The following STK32A variants were observed in gnomAD, a reference collection of about 807,000 sequenced individuals.
STK32A encodes the protein serine/threonine kinase 32A, also known as serine/threonine-protein kinase 32A.
A neutral mutation model predicts 53.2 loss-of-function variants in STK32A; 41 were observed. The observed-to-expected ratio is 0.77, with a 90% CI of 0.60 to 1.00. The LOEUF is 1.00. Ranked by LOEUF, STK32A falls within the 50% of genes least tolerant of loss-of-function variation. The pLI, the probability that STK32A is intolerant of heterozygous loss-of-function variation, is 0.00. For synonymous variants in STK32A, 166 were observed against 162.8 expected, an observed-to-expected ratio of 1.02 and a Z score of -0.15; for missense variants, 458 against 485.8, an observed-to-expected ratio of 0.94 and a Z score of 0.54.
chr5:147,357,344 G>A (rs545827410), intron 7 of STK32A, among the ~76,000 whole-genome samples: 1 of 151,996 alleles, frequency 6.6e-6, no homozygotes, highest in African/African-American at 2.4e-5. Flanking sequence ...AAAATGATAT[G>A]ACATTATGAT....
At chr5:147,401,747 C>G in the STK32A span, 3 of 1,604,652 alleles carry the variant, frequency 1.9e-6, no homozygotes, top group Non-Finnish European at 2.6e-6. Flanking sequence ...ATATGCTGCA[C>G]TGGGCCAAGC....
intron 11 of STK32A, among the ~76,000 whole-genome samples, chr5:147,380,676 A>T (rs1757417378): frequency 6.6e-6 from 1 of 152,208 alleles, no homozygotes; most frequent in South Asian, 2.1e-4. Flanking sequence ...TGGACAGTGC[A>T]GTGTCAAAGC....
chr5:147,271,021 T>C (rs1340056315), intron 2 of STK32A, among the ~76,000 whole-genome samples: 1 of 150,858 alleles, frequency 6.6e-6, no homozygotes, highest in Non-Finnish European at 1.5e-5. Context: ...TTTTTGACGG[T>C]GTCTTGCTCT....
the STK32A span, among the ~76,000 whole-genome samples, chr5:147,398,864 C>A: frequency 1.3e-5 from 2 of 152,204 alleles, no homozygotes; most frequent in African/African-American, 2.4e-5. Context: ...CTCTATTGGC[C>A]TCTGTCCCTG....
At chr5:147,280,768 T>G (rs1752027343) in intron 4 of STK32A, among the ~76,000 whole-genome samples, 1 of 151,996 alleles carries the variant, frequency 6.6e-6, no homozygotes, top group South Asian at 2.1e-4. Context: ...CCACTGCCAG[T>G]TTCTCCCCAT....
intron 10 of STK32A, 50 bp downstream of exon 10, chr5:147,373,344 C>G: frequency 6.2e-7 from 1 of 1,603,306 alleles, no homozygotes. Flanking sequence ...TGCGCATTAC[C>G]CGGTGTGCCA....
chr5:147,394,343 T>C, the STK32A span, among the ~76,000 whole-genome samples: 2 of 152,202 alleles, frequency 1.3e-5, no homozygotes, highest in Non-Finnish European at 2.9e-5. Context: ...AGTTCTTATC[T>C]AGATTTCATC....
At chr5:147,283,324 C>A (rs72831337) in intron 4 of STK32A, among the ~76,000 whole-genome samples, 17 of 151,950 alleles carry the variant, frequency 1.1e-4, no homozygotes, top group African/African-American at 3.4e-4. Context: ...TAGCCCTAAA[C>A]GCCCACATTG....
At chr5:147,388,344 C>G (rs2152011158), downstream of STK32A, among the ~76,000 whole-genome samples, 1 of 152,346 alleles carries the variant, frequency 6.6e-6, no homozygotes, top group African/African-American at 2.4e-5. Flanking sequence ...ACAAAGGGCA[C>G]TGTCACCACC....
At chr5:147,371,751 CTCAAG>C (rs1757015681) in intron 9 of STK32A, among the ~76,000 whole-genome samples, 2 of 152,126 alleles carry the variant, frequency 1.3e-5, no homozygotes, top group Admixed American at 1.3e-4. Flanking sequence ...GGTTGTTGAA[CTCAAG>C]TCACAAGGTG....
intron 4 of STK32A, among the ~76,000 whole-genome samples, chr5:147,285,019 A>C (rs1365470082): frequency 6.6e-6 from 1 of 152,178 alleles, no homozygotes; most frequent in Non-Finnish European, 1.5e-5. Context: ...AAAAGATCAA[A>C]TCTGGAGGCA....
intron 2 of STK32A, among the ~76,000 whole-genome samples, chr5:147,241,146 C>T (rs908890876): frequency 2.6e-5 from 4 of 152,158 alleles, no homozygotes; most frequent in African/African-American, 9.7e-5. Flanking sequence ...TTGGGGCAAA[C>T]AATCTTAGTT....
At chr5:147,356,021 C>A (rs921594896) in intron 7 of STK32A, among the ~76,000 whole-genome samples, 1 of 151,716 alleles carries the variant, frequency 6.6e-6, no homozygotes, top group East Asian at 1.9e-4. Context: ...TTTATTGTTC[C>A]AAGCACTTTG....
Position 147,386,895 on chromosome 5 carries a change from C to T in STK32A, c.*2912C>T, listed in dbSNP as rs1239504062. The T allele has an allele frequency of 1.3e-5, 2 of 152,206 alleles. No individual in the cohort carries two copies. The highest frequency in any genetic ancestry group is 2.9e-5 in the Non-Finnish European group (2 of 68,030). 9.4% of individuals were successfully genotyped at this position (152,206 alleles called of 1,614,324 possible). A position where few individuals can be genotyped will look rare whatever the true frequency, so the allele number is the denominator to read the frequency against. On this transcript the variant is annotated 3_prime_UTR_variant, in exon 13 of 13. Coordinates refer to ENST00000397936, the MANE Select transcript of STK32A (RefSeq NM_001112724.2). ...CTTTGTGGTCATTGCTAGTTGTTGA[C>T]ATCAGATCCTTTGGTTTTATTCTAT...
intron 4 of STK32A, 143 bp from the exon 5 acceptor site, chr5:147,323,755 A>G: frequency 1.6e-6 from 1 of 623,030 alleles, no homozygotes; most frequent in Non-Finnish European, 2.8e-6. Context: ...AAGGTGATAG[A>G]GCTAGTGATA....
chr5:147,362,017 G>A (rs2151998673), intron 8 of STK32A, among the ~76,000 whole-genome samples: 1 of 152,260 alleles, frequency 6.6e-6, no homozygotes, highest in South Asian at 2.1e-4. Context: ...CACAATTCAT[G>A]CTCTGTCTTG....
At chr5:147,249,733 T>C (rs1042455879) in intron 2 of STK32A, among the ~76,000 whole-genome samples, 1 of 151,514 alleles carries the variant, frequency 6.6e-6, no homozygotes, top group Non-Finnish European at 1.5e-5. Context: ...GCCAACATGG[T>C]GAAACCTTGA....
At chr5:147,316,784 G>GT (rs1359627699) in intron 4 of STK32A, among the ~76,000 whole-genome samples, 2 of 136,634 alleles carry the variant, frequency 1.5e-5, no homozygotes, top group African/African-American at 5.4e-5. Flanking sequence ...GAGCCCAGGA[G>GT]TTCAAGGCTG....
At chr5:147,382,455 T>A (rs1051815804) in intron 11 of STK32A, among the ~76,000 whole-genome samples, 2 of 152,108 alleles carry the variant, frequency 1.3e-5, no homozygotes, top group Non-Finnish European at 2.9e-5. Context: ...TTTTGGTTTA[T>A]GTTTTTTACT....
Sources: gnomAD v4.1 joint callset for allele counts (sites outside exome capture counted in the v4.1 genomes callset) on GRCh38, gnomAD v4.1.1 for gene constraint, MANE v1.5 for transcripts, NCBI Gene and HGNC (gene_info 2026-07-23, HGNC 2026-07-21) for gene names.